WDFY3: variants seen among roughly 807,000 people sequenced by gnomAD.
WDFY3 encodes WD repeat and FYVE domain containing 3, also known as WD repeat and FYVE domain-containing protein 3.
In WDFY3, 66 loss-of-function variants were observed where a neutral mutation model predicts 409.6. That is an observed-to-expected ratio of 0.16 (90% CI 0.13 to 0.20). The LOEUF is 0.20. WDFY3 is among the 10% of genes least tolerant of loss of function. The pLI is 1.00. For synonymous variants in WDFY3, 1,521 were observed against 1,537.1 expected, an observed-to-expected ratio of 0.99 and a Z score of 0.25; for missense variants, 3,031 against 4,298.1, an observed-to-expected ratio of 0.71 and a Z score of 8.24.
At chr4:84,927,089 GTGTT>G (rs1185857164) in intron 2 of WDFY3, among the ~76,000 whole-genome samples, 3 of 152,200 alleles carry the variant, frequency 2.0e-5, no homozygotes, top group Middle Eastern at 3.4e-3. Context: ...TAACAATGAG[GTGTT>G]TGTTTACTAT....
At chr4:84,878,076 A>T (rs1365096008) in intron 3 of WDFY3, among the ~76,000 whole-genome samples, 2 of 152,226 alleles carry the variant, frequency 1.3e-5, no homozygotes, top group Admixed American at 1.3e-4. Context: ...GGTACCCCAT[A>T]ATGTACTTTT....
chr4:84,700,780 C>T (rs924107587), intron 56 of WDFY3, among the ~76,000 whole-genome samples: 46 of 152,162 alleles, frequency 3.0e-4, no homozygotes, highest in African/African-American at 1.1e-3. Flanking sequence ...GCAACGTTCT[C>T]CAAAGTTGAA....
chr4:84,824,593 G>T (rs1308796682), intron 10 of WDFY3, among the ~76,000 whole-genome samples: 2 of 152,156 alleles, frequency 1.3e-5, no homozygotes, highest in African/African-American at 4.8e-5. Flanking sequence ...CAAGGGTTAA[G>T]GTGGGGAGGA....
At chr4:84,692,735 C>T (rs1415522854) in intron 59 of WDFY3, 150 bp downstream of exon 59, 2 of 669,572 alleles carry the variant, frequency 3.0e-6, no homozygotes, top group Non-Finnish European at 4.6e-6. Context: ...AATATAAATA[C>T]TAGTAGGTAT....
chr4:84,714,403 C>T (rs192065168), intron 50 of WDFY3, among the ~76,000 whole-genome samples: 69 of 152,276 alleles, frequency 4.5e-4, no homozygotes, highest in African/African-American at 1.5e-3. Context: ...AGCCATTGCA[C>T]GGCTTGGCCT....
chr4:84,797,589 T>TTTAC (rs1168619904), intron 18 of WDFY3, among the ~76,000 whole-genome samples: 2 of 151,650 alleles, frequency 1.3e-5, no homozygotes, highest in South Asian at 4.1e-4. Context: ...TATTTATTTA[T>TTTAC]TTATTTTTTG....
At chr4:84,791,381 G>A (rs1578534435) in intron 21 of WDFY3, among the ~76,000 whole-genome samples, 2 of 152,234 alleles carry the variant, frequency 1.3e-5, no homozygotes, top group South Asian at 4.1e-4. Flanking sequence ...TGAAATGTTG[G>A]TCGCCAAGGG....
chr4:84,735,013 C>A (rs1442913824), intron 43 of WDFY3, 30 bp downstream of exon 43: 1 of 1,587,212 alleles, frequency 6.3e-7, no homozygotes, highest in South Asian at 1.1e-5. Flanking sequence ...AAATGTAAAA[C>A]AAACCATTAT....
intron 10 of WDFY3, among the ~76,000 whole-genome samples, chr4:84,826,587 CCTT>C (rs1754897713): frequency 4.0e-5 from 6 of 151,826 alleles, no homozygotes; most frequent in South Asian, 2.1e-4. Context: ...ATATAAATCT[CCTT>C]GTTTGATTTT....
intron 13 of WDFY3, among the ~76,000 whole-genome samples, chr4:84,811,968 C>A (rs958608511): frequency 8.5e-5 from 13 of 152,130 alleles, no homozygotes; most frequent in Non-Finnish European, 1.9e-4. Context: ...ACTTTACCAT[C>A]ACATGAGGTC....
rs192322078 is a variant in WDFY3, at chr4:84,893,984, G to A, written c.-32+2927C>T. Among the ~76,000 whole-genome samples, 43 of 149,316 alleles carry A rather than the reference G, an allele frequency of 2.9e-4. No individual in the cohort carries two copies. The East Asian group carries it at 6.5e-3, about 23-fold the overall frequency. ...AGCCTGGGCGACAGAGCAAGACTCC[G>A]TCTCAAAAAAAAAAAAAATTAGAAA... On this transcript the variant is annotated intron_variant, in intron 3 of 67. Coordinates refer to ENST00000295888, the MANE Select transcript of WDFY3 (RefSeq NM_014991.6).
rs543491267 is a variant in WDFY3 at position 84,915,592 on chromosome 4, C to T, written c.-132+16678G>A. Reference sequence around the variant, plus strand: ...ATTCAAGCCAAGTTAAACTCACAAACACTCCACAGCAATAAAAGCCAAGTT... The same window carrying T: ...ATTCAAGCCAAGTTAAACTCACAAATACTCCACAGCAATAAAAGCCAAGTT... On this transcript the variant is annotated intron_variant, in intron 2 of 67. Coordinates refer to ENST00000295888, the MANE Select transcript of WDFY3 (RefSeq NM_014991.6). Among the ~76,000 whole-genome samples the T allele has an allele frequency of 4.3e-3, 659 of 152,300 alleles. 3 individuals are homozygous for T. The highest frequency in any genetic ancestry group is 5.6e-3 in the Non-Finnish European group (384 of 68,006).
At chr4:84,678,511 G>A (rs1360154034) in intron 65 of WDFY3, among the ~76,000 whole-genome samples, 1 of 152,184 alleles carries the variant, frequency 6.6e-6, no homozygotes, top group East Asian at 1.9e-4. Context: ...TAATGAGAAG[G>A]AGAAATTTTC....
chr4:84,940,760 A>G (rs1579217983), intron 1 of WDFY3, among the ~76,000 whole-genome samples: 2 of 152,216 alleles, frequency 1.3e-5, no homozygotes, highest in South Asian at 4.1e-4. Context: ...GTGAACATAA[A>G]TGCAAAAACT....
chr4:84,709,494 G>A, intron 51 of WDFY3, 147 bp from the exon 52 acceptor site: 1 of 619,630 alleles, frequency 1.6e-6, no homozygotes, highest in Non-Finnish European at 2.8e-6. Context: ...AGTTTAGTGG[G>A]TTGTGATCAG....
intron 36 of WDFY3, among the ~76,000 whole-genome samples, chr4:84,747,414 C>G (rs1560653003): frequency 6.6e-6 from 1 of 152,152 alleles, no homozygotes; most frequent in African/African-American, 2.4e-5. Flanking sequence ...TTGTGGTGCT[C>G]TCTTTGCCCA....
rs575829911 is a variant in WDFY3, at chr4:84,880,453, TGTTA to T, written c.-32+16454_-32+16457del. 4.2e-4 allele frequency among the ~76,000 whole-genome samples: 63 copies of T among 151,744 alleles called. No individual in the cohort carries two copies. In the South Asian group the frequency reaches 0.012, roughly 29 times the overall value. The stretch of plus-strand genomic sequence containing the variant: ...AAGATGTGAACAAATGGGTTATAAA[TGTTA>T]GTAACAGTGTTTATGGATTGGCATT... On this transcript the variant is annotated intron_variant, in intron 3 of 67. Transcript: ENST00000295888.
intron 44 of WDFY3, among the ~76,000 whole-genome samples, chr4:84,731,232 T>G (rs1351038291): frequency 6.6e-6 from 1 of 152,190 alleles, no homozygotes; most frequent in Non-Finnish European, 1.5e-5. Flanking sequence ...AAATATTAGC[T>G]CCTCTTTTTT....
At position 84,775,145 on chromosome 4, in the gene WDFY3, T is replaced by G. The variant is rs755375044; in HGVS notation, c.4519-7A>C. On this transcript the variant is annotated splice_region_variant and splice_polypyrimidine_tract_variant and intron_variant, in intron 27 of 67. Transcript: ENST00000295888. ...ATGGTGCATGGAGCCAGACCTATAA[T>G]AAATAAAAACAGTAGTATATTTAAG... 56 of 1,611,220 alleles carry G rather than the reference T, an allele frequency of 3.5e-5. 1 individual carries two copies. In the South Asian group the frequency reaches 6.1e-4, roughly 17 times the overall value.
Sources: gnomAD v4.1 joint callset for allele counts (sites outside exome capture counted in the v4.1 genomes callset) on GRCh38, gnomAD v4.1.1 for gene constraint, MANE v1.5 for transcripts, NCBI Gene and HGNC (gene_info 2026-07-23, HGNC 2026-07-21) for gene names.